ARHGAP32: variants seen among roughly 807,000 people sequenced by gnomAD.
The protein encoded by ARHGAP32 is Rho GTPase activating protein 32.
Under a neutral mutation model 186.5 loss-of-function variants are expected in ARHGAP32, and 51 were observed. That is an observed-to-expected ratio of 0.27 (90% confidence interval 0.22 to 0.35). ARHGAP32 has a LOEUF of 0.35. ARHGAP32 is among the 10% of genes least tolerant of loss of function. The pLI is 1.00. For synonymous variants in ARHGAP32, 950 were observed against 964.3 expected (o/e 0.99, Z 0.27); for missense variants, 2,186 against 2,623.5 (o/e 0.83, Z 3.64).
intron 5 of ARHGAP32, among the ~76,000 whole-genome samples, chr11:129,104,458 T>C (rs1419977511): frequency 6.6e-6 from 1 of 152,026 alleles, no homozygotes; most frequent in Non-Finnish European, 1.5e-5. Flanking sequence ...GTTTTTGAGT[T>C]ATGATTTTAA....
In ARHGAP32 at chr11:129,176,418, A is replaced by C. The variant is rs1348708530; in HGVS notation, c.117-11991T>G. On this transcript the variant is annotated intron_variant, in intron 1 of 22. Coordinates refer to ENST00000682385, the MANE Select transcript of ARHGAP32 (RefSeq NM_001378024.1). Reference sequence around the variant, plus strand: ...ACAAGGATACCCAGGAATTGAACTCAGCTCTGCACCAAGCGGACCTAATAG... The same window carrying C: ...ACAAGGATACCCAGGAATTGAACTCCGCTCTGCACCAAGCGGACCTAATAG... Among the ~76,000 whole-genome samples the C allele has an allele frequency of 1.2e-4, 9 of 77,700 alleles. No individual in the cohort carries two copies. In the Admixed American group the frequency reaches 1.2e-3, roughly 11 times the overall value. The allele number at this position is 77,700 out of a possible 152,430, so 51.0% of individuals were successfully genotyped here.
At chr11:129,043,548 G>A (rs1025351976) in intron 10 of ARHGAP32, among the ~76,000 whole-genome samples, 26 of 151,544 alleles carry the variant, frequency 1.7e-4, no homozygotes, top group African/African-American at 5.8e-4. Context: ...CACCATGCCC[G>A]GCTAATTTTT....
intron 10 of ARHGAP32, among the ~76,000 whole-genome samples, chr11:129,043,748 C>T (rs560657): frequency 0.12 from 18,551 of 151,974 alleles, 1,307 homozygotes; most frequent in Non-Finnish European, 0.15. Flanking sequence ...TCACAGAAGG[C>T]AGAGTTTCTT....
intron 11 of ARHGAP32, among the ~76,000 whole-genome samples, chr11:129,003,137 T>C (rs1937609292): frequency 6.6e-6 from 1 of 152,230 alleles, no homozygotes; most frequent in Admixed American, 6.5e-5. Context: ...TCAGCATTAA[T>C]TGAAATGTTC....
chr11:129,036,272 C>G (rs369218723), intron 11 of ARHGAP32, among the ~76,000 whole-genome samples: 1 of 147,144 alleles, frequency 6.8e-6, no homozygotes, highest in East Asian at 2.1e-4. Flanking sequence ...CCCAGCTACT[C>G]GGGAGGCTAA....
chr11:129,231,974 C>A (rs1944864631), intron 1 of ARHGAP32, among the ~76,000 whole-genome samples: 1 of 124,116 alleles, frequency 8.1e-6, no homozygotes, highest in South Asian at 2.8e-4. Context: ...GCAGTGAAGT[C>A]ATGATTGCAC....
chr11:129,050,886 G>A (rs754598946), intron 10 of ARHGAP32, among the ~76,000 whole-genome samples: 35 of 152,184 alleles, frequency 2.3e-4, no homozygotes, highest in African/African-American at 5.3e-4. Context: ...GTGAGAACAC[G>A]TGGTGTTTGG....
chr11:129,129,905 G>C (rs1942772668), intron 2 of ARHGAP32, among the ~76,000 whole-genome samples: 1 of 151,962 alleles, frequency 6.6e-6, no homozygotes, highest in Admixed American at 6.6e-5. Context: ...CATTTTGGTT[G>C]GTATGTAGTT....
chr11:129,173,660 T>C (rs1053955437), intron 1 of ARHGAP32, among the ~76,000 whole-genome samples: 3 of 152,220 alleles, frequency 2.0e-5, no homozygotes, highest in Admixed American at 6.5e-5. Context: ...CAAGTCTGGT[T>C]CAACATATGC....
At chr11:128,984,286 A>G (rs1442682514) in intron 15 of ARHGAP32, among the ~76,000 whole-genome samples, 1 of 151,970 alleles carries the variant, frequency 6.6e-6, no homozygotes, top group Non-Finnish European at 1.5e-5. Context: ...GAGGTGGGAG[A>G]ATCACTTGAG....
chr11:129,173,456 C>G (rs570647970), intron 1 of ARHGAP32, among the ~76,000 whole-genome samples: 1 of 152,282 alleles, frequency 6.6e-6, no homozygotes, highest in African/African-American at 2.4e-5. Flanking sequence ...GGACTCCTCC[C>G]TAACTCATTT....
rs371975797 is a variant in ARHGAP32 at position 129,123,557 on chromosome 11, C to T, written c.360-27G>A. The stretch of plus-strand genomic sequence containing the variant: ...TGAAACACATGAAATAAATAAGAAA[C>T]GAGATAGTGAAACAGTAAAAATTAC... On this transcript the variant is annotated intron_variant, in intron 4 of 22. Transcript: ENST00000682385. The surrounding 1 kb of genome is among the most constrained non-coding windows in gnomAD (Gnocchi z 4.6). 121 of 1,583,364 alleles carry T rather than the reference C, an allele frequency of 7.6e-5. No homozygotes were observed. The highest frequency in any genetic ancestry group is 1.2e-4 in the African/African-American group (9 of 74,242).
chr11:129,193,425 T>G (rs537568170), upstream of ARHGAP32, among the ~76,000 whole-genome samples: 4 of 100,784 alleles, frequency 4.0e-5, no homozygotes, highest in Non-Finnish European at 7.4e-5. Flanking sequence ...AAGGCTGTTG[T>G]GAGCCATAAT....
At position 129,157,472 on chromosome 11, in the gene ARHGAP32, A is replaced by C. The variant is rs189955282; in HGVS notation, c.225+6847T>G. Among the ~76,000 whole-genome samples, 3 of 152,130 alleles carry C rather than the reference A, an allele frequency of 2.0e-5. No individual in the cohort carries two copies. In the East Asian group the frequency reaches 5.8e-4, roughly 29 times the overall value. On this transcript the variant is annotated intron_variant, in intron 2 of 22. Coordinates refer to ENST00000682385, the MANE Select transcript of ARHGAP32 (RefSeq NM_001378024.1). ...AGCCAAATTGATCAAGCAGAAGAAAAGATACCAGAGATTGAAGATCAACAT... is the reference window on the plus strand; with the variant it reads ...AGCCAAATTGATCAAGCAGAAGAAACGATACCAGAGATTGAAGATCAACAT...
chr11:129,046,103 G>T (rs938066107), intron 10 of ARHGAP32, among the ~76,000 whole-genome samples: 1 of 151,806 alleles, frequency 6.6e-6, no homozygotes, highest in Non-Finnish European at 1.5e-5. Flanking sequence ...GTTTTCCAGC[G>T]CCCACCGTAT....
chr11:129,081,646 T>C lies in ARHGAP32; in HGVS notation c.531+11975A>G, dbSNP rs376420910. 1.8e-3 allele frequency among the ~76,000 whole-genome samples: 270 copies of C among 152,168 alleles called. 7 individuals carry two copies. The South Asian group carries it at 0.054, about 31-fold the overall frequency. On this transcript the variant is annotated intron_variant, in intron 6 of 22. Coordinates refer to ENST00000682385, the MANE Select transcript of ARHGAP32 (RefSeq NM_001378024.1). ...TATGACAAACCCGCAGCAAACATTA[T>C]ACTGAACAGGTAAAAGTTGAAAGTA...
intron 1 of ARHGAP32, among the ~76,000 whole-genome samples, chr11:129,256,663 T>C (rs546491162): frequency 6.6e-6 from 1 of 152,302 alleles, no homozygotes; most frequent in Non-Finnish European, 1.5e-5. Context: ...TGAAGTCGGA[T>C]AACATCCCTT....
At chr11:128,996,786 A>ATTTTT (rs1003359619) in intron 12 of ARHGAP32, among the ~76,000 whole-genome samples, 1 of 149,842 alleles carries the variant, frequency 6.7e-6, no homozygotes. Context: ...TAAAAAGAAA[A>ATTTTT]TTTTTTTTTT....
rs200151131 is a variant in ARHGAP32 at position 128,972,779 on chromosome 11, C to T, written c.3727G>A (p.Glu1243Lys). 3.7e-6 allele frequency: 6 copies of T among 1,613,752 alleles called. No individual in the cohort carries two copies. In the Admixed American group the frequency reaches 6.7e-5, roughly 18 times the overall value. The change falls in exon 22 of 23, where the codon GAA (glutamate) becomes AAA (lysine). Residue 1243 changes from glutamate to lysine, a missense_variant. Physicochemically the swap from Glu to Lys is moderately conservative, Grantham distance 56 (BLOSUM62 1). This residue lies in a region of ARHGAP32 where 1,502 missense variants were observed against 1,570.0 expected (regional missense o/e 0.96). Transcript: ENST00000682385. Reference protein sequence around the residue: ...ASVDKLHHPLEFADKSPTPPN... With the variant: ...ASVDKLHHPLKFADKSPTPPN... ...GGTGTGGGAGATTTGTCTGCAAATT[C>T]TAAAGGGTGATGGAGTTTATCCACA...
Sources: gnomAD v4.1 joint callset for allele counts (sites outside exome capture counted in the v4.1 genomes callset) on GRCh38, gnomAD v4.1.1 for gene constraint, gnomAD v4.1.1 regional missense constraint, Gnocchi (gnomAD v3.1) non-coding constraint, MANE v1.5 for transcripts, NCBI Gene and HGNC (gene_info 2026-07-23, HGNC 2026-07-21) for gene names.